MPPED1: variants seen among roughly 807,000 people sequenced by gnomAD.
The protein encoded by MPPED1 is metallophosphoesterase domain-containing protein 1.
A neutral mutation model predicts 36.2 loss-of-function variants in MPPED1; 16 were observed. The observed-to-expected ratio is 0.44, with a 90% CI of 0.30 to 0.67. MPPED1 has a LOEUF of 0.67. Among genes scored for constraint, MPPED1 ranks in the 30% least tolerant of loss-of-function variants. The pLI is 0.10. For synonymous variants in MPPED1, 199 were observed against 191.3 expected, an observed-to-expected ratio of 1.04 and a Z score of -0.33; for missense variants, 307 against 453.4, an observed-to-expected ratio of 0.68 and a Z score of 2.93.
At chr22:43,503,456 C>G (rs1932766683) in intron 6 of MPPED1, among the ~76,000 whole-genome samples, 1 of 152,176 alleles carries the variant, frequency 6.6e-6, no homozygotes, top group Non-Finnish European at 1.5e-5. Flanking sequence ...GACGTGGTTT[C>G]CCCCAGAGAC....
At chr22:43,463,819 C>CTTTTTTTTTT (rs1480549521) in intron 3 of MPPED1, among the ~76,000 whole-genome samples, 1 of 83,516 alleles carries the variant, frequency 1.2e-5, no homozygotes, top group South Asian at 3.7e-4. Flanking sequence ...TTCTTTCTTT[C>CTTTTTTTTTT]TTTCTTTCTT....
At chr22:43,467,806 A>G (rs921211776) in intron 3 of MPPED1, among the ~76,000 whole-genome samples, 15 of 152,110 alleles carry the variant, frequency 9.9e-5, no homozygotes, top group Non-Finnish European at 4.4e-5. Flanking sequence ...AGAGAACGCT[A>G]AAACTCCACC....
intron 3 of MPPED1, 110 bp downstream of exon 3, chr22:43,435,325 C>T (rs1273484577): frequency 8.0e-7 from 1 of 1,247,456 alleles, no homozygotes; most frequent in Non-Finnish European, 1.1e-6. Flanking sequence ...CGGGCCCCCT[C>T]CTTGGCCTGT....
At chr22:43,487,840 C>A (rs1389279118) in intron 4 of MPPED1, among the ~76,000 whole-genome samples, 3 of 152,066 alleles carry the variant, frequency 2.0e-5, no homozygotes, top group African/African-American at 7.2e-5. Flanking sequence ...AACTGTTTTG[C>A]CCTGAGGATG....
intron 4 of MPPED1, among the ~76,000 whole-genome samples, chr22:43,495,332 GTAGTGA>G (rs1932235510): frequency 6.7e-6 from 1 of 149,090 alleles, no homozygotes; most frequent in Non-Finnish European, 1.5e-5. Context: ...GATGGTGGTG[GTAGTGA>G]TGGAGGTGTT....
intron 3 of MPPED1, among the ~76,000 whole-genome samples, chr22:43,456,622 G>A (rs139490947): frequency 6.6e-6 from 1 of 152,174 alleles, no homozygotes; most frequent in African/African-American, 2.4e-5. Context: ...AGCCTCCCAA[G>A]TAGCTGAGAT....
chr22:43,420,292 A>G (rs938429042), intron 1 of MPPED1, among the ~76,000 whole-genome samples: 2 of 152,064 alleles, frequency 1.3e-5, no homozygotes, highest in Admixed American at 6.5e-5. Context: ...GAGTGAGGCC[A>G]CTTATCCAGG....
intron 3 of MPPED1, among the ~76,000 whole-genome samples, chr22:43,467,752 G>A (rs1023982711): frequency 6.6e-6 from 1 of 152,138 alleles, no homozygotes; most frequent in Non-Finnish European, 1.5e-5. Flanking sequence ...GGGAATGGGC[G>A]GAAGAAGCCA....
rs747690142 is a variant in MPPED1 at position 43,502,715 on chromosome 22, C to T, written c.820C>T (p.Arg274Cys). The T allele has an allele frequency of 2.5e-6, 4 of 1,613,126 alleles. No homozygotes were observed. The highest frequency in any genetic ancestry group is 1.7e-5 in the Admixed American group (1 of 60,002). Residue 274 changes from arginine to cysteine, a missense_variant, in exon 6 of 7, where the codon CGC becomes TGC. Physicochemically the swap from Arg to Cys is radical, Grantham distance 180 (BLOSUM62 -3). Around this residue, in one of 3 missense-constraint regions of MPPED1, gnomAD observed 132 missense variants for 212.3 expected, o/e 0.62. Coordinates refer to ENST00000443721, the MANE Select transcript of MPPED1 (RefSeq NM_001044370.2). This position sits in a 1 kb window ranked among gnomAD's most constrained non-coding sequence, Gnocchi z 5.5. ...CVELLNTVQR[R>C]VQPRLHVFGH... Reference sequence around the variant, plus strand: ...GGAGCTGCTCAACACGGTGCAGAGGCGCGTCCAGCCGCGGTTACATGTCTT... The same window carrying T: ...GGAGCTGCTCAACACGGTGCAGAGGTGCGTCCAGCCGCGGTTACATGTCTT...
At chr22:43,430,771 A>G (rs12628216) in intron 2 of MPPED1, among the ~76,000 whole-genome samples, 9,931 of 152,104 alleles carry the variant, frequency 0.065, 497 homozygotes, top group African/African-American at 0.14. Context: ...TGTTGAGATT[A>G]GACGCCCAGA....
intron 5 of MPPED1, among the ~76,000 whole-genome samples, chr22:43,499,592 A>ATG (rs1932564081): frequency 2.4e-4 from 2 of 8,360 alleles, no homozygotes; most frequent in South Asian, 4.0e-3. Flanking sequence ...TGGTGGTGGT[A>ATG]GTGGAGGTGG....
At position 43,505,689 on chromosome 22, in the gene MPPED1, T is replaced by A. The variant is rs962348294; in HGVS notation, c.*73T>A. 1.5e-6 allele frequency: 2 copies of A among 1,377,296 alleles called. No homozygotes were observed. Among genetic ancestry groups the A allele is most frequent in the East Asian group, 5.0e-5 (2 of 39,876 alleles). 85.3% of individuals were successfully genotyped at this position (1,377,296 alleles called of 1,614,324 possible). ...CCTGGCCCGGCCACTGTTCCTTCCA[T>A]GCTGAGTTGCCTGGACGACCCATCT... is the stretch of plus-strand genomic sequence containing the variant. On this transcript the variant is annotated 3_prime_UTR_variant, in exon 7 of 7. Coordinates refer to ENST00000443721, the MANE Select transcript of MPPED1 (RefSeq NM_001044370.2).
rs555541087 is a variant in MPPED1 at position 43,507,400 on chromosome 22, C to G, written c.*1784C>G. 6.6e-6 allele frequency: 1 copy of G among 152,348 alleles called. No individual in the cohort carries two copies. Among genetic ancestry groups the G allele is most frequent in the African/African-American group, 2.4e-5 (1 of 41,560 alleles). The allele number at this position is 152,348 out of a possible 1,614,324, so 9.4% of individuals were successfully genotyped here. A position where few individuals can be genotyped will look rare whatever the true frequency, so the allele number is the denominator to read the frequency against. On this transcript the variant is annotated 3_prime_UTR_variant, in exon 7 of 7. Transcript: ENST00000443721. ...TCCTCGAGGGGTGGGGCTGCTGTCC[C>G]TGGAAGCCTGGCAGCAGCACTGTAT... is the stretch of plus-strand genomic sequence containing the variant.
intron 1 of MPPED1, among the ~76,000 whole-genome samples, chr22:43,422,286 G>A (rs1929301954): frequency 6.6e-6 from 1 of 152,218 alleles, no homozygotes; most frequent in African/African-American, 2.4e-5. Flanking sequence ...TCAAACATGA[G>A]ACATGGGCAT....
chr22:43,495,753 AGATGGT>A (rs567799459), intron 4 of MPPED1, among the ~76,000 whole-genome samples: 3 of 5,092 alleles, frequency 5.9e-4, no homozygotes, highest in Non-Finnish European at 8.9e-4. Context: ...GTGGTGGTGG[AGATGGT>A]GGTGGTGGTG....
chr22:43,462,662 A>T (rs1438628695), intron 3 of MPPED1, among the ~76,000 whole-genome samples: 1 of 152,126 alleles, frequency 6.6e-6, no homozygotes. Flanking sequence ...TCTTCTGCAG[A>T]GCTTTAAACA....
intron 4 of MPPED1, among the ~76,000 whole-genome samples, chr22:43,487,034 G>C (rs1371248009): frequency 6.6e-6 from 1 of 152,144 alleles, no homozygotes; most frequent in Non-Finnish European, 1.5e-5. Context: ...GGGCTAGTGT[G>C]TAGTTCCTCC....
At chr22:43,453,333 G>A (rs369205161) in intron 3 of MPPED1, among the ~76,000 whole-genome samples, 23 of 80,290 alleles carry the variant, frequency 2.9e-4, no homozygotes, top group Admixed American at 1.9e-3. Flanking sequence ...CACCCCCCCT[G>A]CCCCTTTAAA....
chr22:43,483,306 C>T (rs1209042822), intron 4 of MPPED1, among the ~76,000 whole-genome samples: 8 of 152,358 alleles, frequency 5.3e-5, no homozygotes, highest in East Asian at 1.9e-4. Context: ...GATGCCTGGC[C>T]GGCCCCGAGG....
Sources: gnomAD v4.1 joint callset for allele counts (sites outside exome capture counted in the v4.1 genomes callset) on GRCh38, gnomAD v4.1.1 for gene constraint, gnomAD v4.1.1 regional missense constraint, Gnocchi (gnomAD v3.1) non-coding constraint, MANE v1.5 for transcripts, NCBI Gene and HGNC (gene_info 2026-07-23, HGNC 2026-07-21) for gene names.